LARGE2: variants seen among roughly 807,000 people sequenced by gnomAD.
LARGE2 encodes LARGE xylosyl- and glucuronyltransferase 2.
LARGE2 carries 63 observed loss-of-function variants against 75.3 expected under a neutral mutation model. The ratio of observed to expected loss-of-function variants is 0.84; its 90% CI spans 0.68 to 1.03. The LOEUF (loss-of-function observed/expected upper bound fraction) is 1.03, where lower values mean the gene tolerates loss of function less well. Ranked by LOEUF, LARGE2 falls within the 50% of genes least tolerant of loss-of-function variation. The pLI is 0.00. For synonymous variants in LARGE2, 428 were observed against 420.1 expected, an observed-to-expected ratio of 1.02 and a Z score of -0.23; for missense variants, 925 against 980.6, an observed-to-expected ratio of 0.94 and a Z score of 0.76.
intron 3 of LARGE2, among the ~76,000 whole-genome samples, chr11:45,923,766 C>T (rs1296425241): frequency 1.3e-5 from 2 of 151,766 alleles, no homozygotes; most frequent in African/African-American, 2.4e-5. Flanking sequence ...GCGGGCGGAT[C>T]ACGAGGTCAG....
At chr11:45,927,706 C>G (rs1034631326) in intron 11 of LARGE2, 113 bp downstream of exon 11, 1 of 1,500,490 alleles carries the variant, frequency 6.7e-7, no homozygotes, top group Non-Finnish European at 9.1e-7. Flanking sequence ...TGGCCTCTGT[C>G]AATTGGGGTT....
At position 45,928,651 on chromosome 11, in the gene LARGE2, C is replaced by G. The variant is rs2087385490; in HGVS notation, c.1972C>G (p.Pro658Ala). 6.2e-7 allele frequency: 1 copy of G among 1,614,078 alleles called. No homozygotes were observed. Among genetic ancestry groups the G allele is most frequent in the Non-Finnish European group, 8.5e-7 (1 of 1,179,968 alleles). The change falls in exon 14 of 14, where the codon CCC (proline) becomes GCC (alanine). Residue 658 changes from proline (P) to alanine (A), a missense_variant. Pro to Ala is a conservative substitution (Grantham distance 27, BLOSUM62 -1). Transcript: ENST00000401752. ...GCAGGAATATGAGCTCCTGGTGCTG[C>G]CCGAGGCCTTCACCATCCATCTGCC... ...DAQEYELLVLPEAFTIHLPHA... is the reference protein window; with the variant it reads ...DAQEYELLVLAEAFTIHLPHA...
intron 11 of LARGE2, 136 bp from the exon 12 acceptor site, chr11:45,927,784 G>A (rs1332542966): frequency 3.3e-5 from 48 of 1,457,394 alleles, no homozygotes; most frequent in Non-Finnish European, 4.5e-5. Context: ...AGCTCCACCT[G>A]TGGTTGTGCC....
Position 45,928,674 on chromosome 11 carries a change from G to A in LARGE2, c.1995G>A (p.Leu665=), listed in dbSNP as rs138819697. 206 of 1,613,984 alleles carry A rather than the reference G, an allele frequency of 1.3e-4. No homozygotes were observed. The highest frequency in any genetic ancestry group is 1.7e-4 in the Non-Finnish European group (198 of 1,180,030). ...TGCCCGAGGCCTTCACCATCCATCT[G>A]CCCCACGCTCCAAGCCTGGACATCT... The part of the protein sequence containing the change: ...LVLPEAFTIH[L]PHAPSLDISR... Residue 665 remains leucine (L), a synonymous_variant, in exon 14 of 14, where the codon CTG becomes CTA. Transcript: ENST00000401752.
chr11:45,928,203 C>T lies in LARGE2; in HGVS notation c.1781C>T (p.Ala594Val). ...FRYHEWPRGHAPTDYARWREA... is the reference protein window; with the variant it reads ...FRYHEWPRGHVPTDYARWREA... ...TACCACGAGTGGCCCCGAGGCCACG[C>T]ACCCACAGACTATGCCCGCTGGCGG... Residue 594 changes from alanine (A) to valine (V), a missense_variant, in exon 13 of 14, where the codon GCA (alanine) becomes GTA (valine). Around this residue, in one of 3 missense-constraint regions of LARGE2, gnomAD observed 469 missense variants for 503.8 expected, o/e 0.93. Coordinates refer to ENST00000401752, the MANE Select transcript of LARGE2 (RefSeq NM_001300721.2). The T allele has an allele frequency of 6.2e-7, 1 of 1,613,816 alleles. No homozygotes were observed. Among genetic ancestry groups the T allele is most frequent in the Non-Finnish European group, 8.5e-7 (1 of 1,180,022 alleles).
upstream of LARGE2, chr11:45,922,582 G>A: frequency 4.4e-6 from 1 of 229,878 alleles, no homozygotes; most frequent in Non-Finnish European, 8.4e-6. Flanking sequence ...ACCCCGGGGG[G>A]GTCACCCCGC....
chr11:45,922,112 G>A (rs1320303389), upstream of LARGE2, among the ~76,000 whole-genome samples: 1 of 152,082 alleles, frequency 6.6e-6, no homozygotes, highest in African/African-American at 2.4e-5. Context: ...GGCGGGAGGC[G>A]GCCTTCACAA....
At chr11:45,927,874 C>T in intron 11 of LARGE2, 46 bp from the exon 12 acceptor site, 1 of 1,609,678 alleles carries the variant, frequency 6.2e-7, no homozygotes, top group Non-Finnish European at 8.5e-7. Context: ...TGGCCCAGTC[C>T]TAGATGCCCC....
chr11:45,923,013 C>T lies in LARGE2; in HGVS notation c.131C>T (p.Ala44Val), dbSNP rs1489480002. The T allele has an allele frequency of 2.9e-6, 4 of 1,361,236 alleles. No homozygotes were observed. The highest frequency in any genetic ancestry group is 3.8e-6 in the Non-Finnish European group (4 of 1,061,284). 84.3% of individuals were successfully genotyped at this position (1,361,236 alleles called of 1,614,324 possible). The change falls in exon 2 of 14, where the codon GCC becomes GTC. Residue 44 changes from alanine (A) to valine (V), a missense_variant. Ala to Val is a moderately conservative substitution (Grantham distance 64). Transcript: ENST00000401752. ...ERREPGGRAG[A>V]PGCFPGPLMP... ...CGCGAGCCTGGCGGGCGAGCGGGGG[C>T]CCCGGGATGCTTCCCCGGCCCGCTC...
chr11:45,924,215 C>T lies in LARGE2; in HGVS notation c.430C>T (p.Leu144Phe), dbSNP rs772737750. The change falls in exon 4 of 14, where the codon CTC (leucine) becomes TTC (phenylalanine). Residue 144 changes from leucine (L) to phenylalanine (F), a missense_variant. Around this residue, in one of 3 missense-constraint regions of LARGE2, gnomAD observed 453 missense variants for 460.2 expected, o/e 0.98. Transcript: ENST00000401752. ...CGTGGCCAGAAACATCCTGGAGACG[C>T]TCTTCCACACATGGATGGTGCCTGC... ...DAVARNILET[L>F]FHTWMVPAVR... 10 of 1,613,436 alleles carry T rather than the reference C, an allele frequency of 6.2e-6. No homozygotes were observed. In the African/African-American group the frequency reaches 1.3e-4, roughly 22 times the overall value.
In LARGE2 at chr11:45,927,459, T is replaced by C. The variant is rs372184633; in HGVS notation, c.1470T>C (p.His490=). The change falls in exon 11 of 14, where the codon CAT becomes CAC. Residue 490 remains histidine (H), a synonymous_variant. Coordinates refer to ENST00000401752, the MANE Select transcript of LARGE2 (RefSeq NM_001300721.2). The part of the protein sequence containing the change: ...VLAARQDVAY[H]VVYREGPLYP... Reference sequence around the variant, plus strand: ...CTGCCCGGCAGGACGTGGCCTACCATGTGGTGTACCGTGAGGGGCCCCTAT... The same window carrying C: ...CTGCCCGGCAGGACGTGGCCTACCACGTGGTGTACCGTGAGGGGCCCCTAT... 2 of 1,614,234 alleles carry C rather than the reference T, an allele frequency of 1.2e-6. No individual in the cohort carries two copies. Among genetic ancestry groups the C allele is most frequent in the Non-Finnish European group, 1.7e-6 (2 of 1,180,034 alleles).
intron 4 of LARGE2, 51 bp downstream of exon 4, chr11:45,924,328 T>C (rs1409936172): frequency 6.2e-7 from 1 of 1,601,812 alleles, no homozygotes; most frequent in Non-Finnish European, 8.5e-7. Flanking sequence ...ACCGCTCTCC[T>C]CTCTCCAAGA....
chr11:45,926,943 TC>T, intron 10 of LARGE2, 72 bp downstream of exon 10: 1 of 1,451,696 alleles, frequency 6.9e-7, no homozygotes, highest in Non-Finnish European at 9.2e-7. Context: ...GGAGGTTCCA[TC>T]TGGCAGCCTG....
chr11:45,922,330 T>G (rs187616344), upstream of LARGE2, among the ~76,000 whole-genome samples: 104 of 152,194 alleles, frequency 6.8e-4, 1 homozygote, highest in East Asian at 0.019. Context: ...GCAGTGTCTT[T>G]GATCCCGGGC....
chr11:45,928,109 C>T (rs892153491), intron 12 of LARGE2, 40 bp downstream of exon 12: 1 of 1,612,784 alleles, frequency 6.2e-7, no homozygotes, highest in Non-Finnish European at 8.5e-7. Flanking sequence ...ACTCACTTGC[C>T]CACACTGGCC....
Position 45,923,123 on chromosome 11 carries a change from C to T in LARGE2, c.241C>T (p.Arg81Cys), listed in dbSNP as rs1417179658. 6 of 1,369,790 alleles carry T rather than the reference C, an allele frequency of 4.4e-6. No homozygotes were observed. The African/African-American group carries it at 4.6e-5, about 11-fold the overall frequency. 84.9% of individuals were successfully genotyped at this position (1,369,790 alleles called of 1,614,324 possible). Residue 81 changes from arginine (R) to cysteine (C), a missense_variant, in exon 2 of 14, where the codon CGC becomes TGC. This residue lies in a region of LARGE2 where 453 missense variants were observed against 460.2 expected (regional missense o/e 0.98). Coordinates refer to ENST00000401752, the MANE Select transcript of LARGE2 (RefSeq NM_001300721.2). Reference protein sequence around the residue: ...DPGAGPGDHNRSDCGPQPPPP... With the variant: ...DPGAGPGDHNCSDCGPQPPPP... ...GGGGGCCGGCCCCGGGGACCACAAC[C>T]GCTCCGACTGCGGCCCGCAGCCGCC...
At position 45,926,472 on chromosome 11, in the gene LARGE2, CGG is replaced by C; in HGVS notation, c.1041_1042del (p.Val348GlufsTer39). 8.1e-6 allele frequency: 13 copies of C among 1,614,088 alleles called. No homozygotes were observed. Among genetic ancestry groups the C allele is most frequent in the Non-Finnish European group, 9.3e-6 (11 of 1,180,022 alleles). On this transcript the variant is annotated frameshift_variant, in exon 9 of 14. Coordinates refer to ENST00000401752, the MANE Select transcript of LARGE2 (RefSeq NM_001300721.2). LOFTEE classifies it high-confidence loss of function. ...VIHWNSPKKLRVKNKHVEFFR... is the reference protein window; with the variant it reads ...VIHWNSPKKLXVKNKHVEFFR... ...CCACTGGAACTCACCAAAGAAGCTT[CGG>C]GTGAAGAACAAGCATGTGGAATTCT...
intron 10 of LARGE2, 99 bp downstream of exon 10, chr11:45,926,970 G>A (rs765790764): frequency 4.8e-6 from 6 of 1,240,738 alleles, no homozygotes; most frequent in East Asian, 2.5e-5. Context: ...GTGGTAGTGA[G>A]CTACCTGTCC....
chr11:45,922,506 G>C (rs867762301), upstream of LARGE2, among the ~76,000 whole-genome samples: 4 of 152,120 alleles, frequency 2.6e-5, no homozygotes, highest in Admixed American at 2.0e-4. Context: ...CAGCCCAGAA[G>C]GGGGCTTCGG....
Sources: allele counts gnomAD v4.1 joint callset (sites outside exome capture counted in the v4.1 genomes callset), GRCh38; gene constraint gnomAD v4.1.1; regional missense constraint gnomAD v4.1.1; transcripts MANE v1.5; gene names NCBI Gene and HGNC (gene_info 2026-07-23, HGNC 2026-07-21).